The following ETS1 variants were observed in gnomAD, a reference collection of about 807,000 sequenced individuals.
ETS1 encodes ETS proto-oncogene 1, transcription factor.
In ETS1, 15 loss-of-function variants were observed where a neutral mutation model predicts 58.6. The observed-to-expected ratio is 0.26, with a 90% CI of 0.17 to 0.39. The LOEUF (loss-of-function observed/expected upper bound fraction) is 0.39. ETS1 is among the 10% of genes least tolerant of loss of function. The pLI is 1.00. For synonymous variants in ETS1, 214 were observed against 218.2 expected (o/e 0.98, Z 0.17); for missense variants, 417 against 610.5 (o/e 0.68, Z 3.34).
intron 3 of ETS1, among the ~76,000 whole-genome samples, chr11:128,499,839 GAAGGCCAGGCTGGGC>G (rs967191311): frequency 3.9e-5 from 6 of 152,110 alleles, no homozygotes. Flanking sequence ...GAATCACCAA[GAAGGCCAGGCTGGGC>G]AAGGTGTACG....
intron 3 of ETS1, among the ~76,000 whole-genome samples, chr11:128,495,921 T>C (rs1862926843): frequency 1.3e-5 from 2 of 152,112 alleles, no homozygotes; most frequent in South Asian, 2.1e-4. Context: ...CAAACATACA[T>C]AAAAGTAGAG....
chr11:128,465,659 C>G (rs1248521475), intron 8 of ETS1, among the ~76,000 whole-genome samples: 2 of 152,198 alleles, frequency 1.3e-5, no homozygotes, highest in Non-Finnish European at 2.9e-5. Context: ...GAAAACCATT[C>G]TATCCCAAAG....
At chr11:128,503,967 G>T (rs1199987229) in intron 3 of ETS1, among the ~76,000 whole-genome samples, 1 of 152,124 alleles carries the variant, frequency 6.6e-6, no homozygotes, top group African/African-American at 2.4e-5. Flanking sequence ...GCCCCAACAT[G>T]GCACATCTAA....
intron 1 of ETS1, among the ~76,000 whole-genome samples, chr11:128,582,275 A>T (rs1209270094): frequency 6.6e-6 from 1 of 152,212 alleles, no homozygotes; most frequent in African/African-American, 2.4e-5. Context: ...CAAATTTCTT[A>T]ACCTCACAAT....
chr11:128,546,182 G>C (rs1864130131), intron 3 of ETS1, among the ~76,000 whole-genome samples: 1 of 152,244 alleles, frequency 6.6e-6, no homozygotes, highest in Admixed American at 6.5e-5. Context: ...TGGGTAATCT[G>C]TCTAGACTGG....
At chr11:128,518,077 G>A (rs780460245) in intron 3 of ETS1, among the ~76,000 whole-genome samples, 1 of 152,162 alleles carries the variant, frequency 6.6e-6, no homozygotes, top group Non-Finnish European at 1.5e-5. Context: ...TTCCTGCTCT[G>A]AGGTAACAAT....
In ETS1 at chr11:128,549,597, C is replaced by A. The variant is rs532485914; in HGVS notation, c.214+6694G>T. 1.6e-4 allele frequency among the ~76,000 whole-genome samples: 25 copies of A among 152,272 alleles called. No homozygotes were observed. The highest frequency in any genetic ancestry group is 5.8e-4 in the African/African-American group (24 of 41,570). On this transcript the variant is annotated intron_variant, in intron 3 of 9. Coordinates refer to ENST00000392668, the MANE Select transcript of ETS1 (RefSeq NM_001143820.2). The surrounding 1 kb of genome is among the most constrained non-coding windows in gnomAD (Gnocchi z 4.3). ...ACTTCCTAGGATGTTCGAGAAGCTG[C>A]GAGTTCGAGGGCGGGCCGGCGGAAG...
At chr11:128,543,179 G>A (rs1864081073) in intron 3 of ETS1, among the ~76,000 whole-genome samples, 1 of 146,780 alleles carries the variant, frequency 6.8e-6, no homozygotes. Flanking sequence ...GGCAACAAGA[G>A]CGAAACTCTG....
chr11:128,584,387 G>A (rs1317748319), intron 1 of ETS1, among the ~76,000 whole-genome samples: 1 of 152,176 alleles, frequency 6.6e-6, no homozygotes, highest in Non-Finnish European at 1.5e-5. Flanking sequence ...ACATTCCATT[G>A]GCTCTAATCA....
At chr11:128,504,732 C>T (rs937210037) in intron 3 of ETS1, among the ~76,000 whole-genome samples, 3 of 152,156 alleles carry the variant, frequency 2.0e-5, no homozygotes, top group Non-Finnish European at 4.4e-5. Context: ...TTACTTACAA[C>T]AGTGGACTGG....
intron 1 of ETS1, among the ~76,000 whole-genome samples, chr11:128,573,869 A>G (rs1864688684): frequency 6.6e-6 from 1 of 152,224 alleles, no homozygotes; most frequent in Non-Finnish European, 1.5e-5. Context: ...ACACTTTCAT[A>G]AACTTAATAC....
intron 8 of ETS1, among the ~76,000 whole-genome samples, chr11:128,471,025 G>A (rs1210769088): frequency 2.0e-5 from 3 of 152,138 alleles, no homozygotes; most frequent in Non-Finnish European, 4.4e-5. Context: ...CTCTTTTCCC[G>A]ATGCACCTTT....
In ETS1 at chr11:128,568,797, C is replaced by T. The variant is rs907703087; in HGVS notation, c.69+4265G>A. On this transcript the variant is annotated intron_variant, in intron 2 of 9. Transcript: ENST00000392668. ...TAACGTTAATGTGACCTCTAATTTA[C>T]AAGCAAGGACTCCGAGACTTAGCTA... 1.1e-4 allele frequency among the ~76,000 whole-genome samples: 16 copies of T among 152,254 alleles called. 1 individual carries two copies. The highest frequency in any genetic ancestry group is 7.2e-4 in the Admixed American group (11 of 15,282).
At chr11:128,485,644 G>A (rs946235146) in intron 6 of ETS1, among the ~76,000 whole-genome samples, 6 of 152,150 alleles carry the variant, frequency 3.9e-5, no homozygotes, top group Non-Finnish European at 8.8e-5. Flanking sequence ...AGAATTTGAA[G>A]CTGCATAGCA....
chr11:128,525,446 G>A (rs1863782334), intron 3 of ETS1, among the ~76,000 whole-genome samples: 1 of 152,036 alleles, frequency 6.6e-6, no homozygotes, highest in South Asian at 2.1e-4. Context: ...AAGTGTCCTA[G>A]CATGTTATCT....
intron 1 of ETS1, among the ~76,000 whole-genome samples, chr11:128,586,298 T>G (rs1319007391): frequency 6.6e-6 from 1 of 152,174 alleles, no homozygotes; most frequent in Non-Finnish European, 1.5e-5. Context: ...TCAAAGCACT[T>G]TGCAGACATT....
rs2135407535 is a variant in ETS1 at position 128,462,454 on chromosome 11, C to T, written c.1365G>A (p.Val455=). The T allele has an allele frequency of 1.2e-6, 2 of 1,614,180 alleles. No individual in the cohort carries two copies. Among genetic ancestry groups the T allele is most frequent in the Non-Finnish European group, 1.7e-6 (2 of 1,180,024 alleles). The change falls in exon 10 of 10, where the codon GTG becomes GTA. Residue 455 remains valine, a synonymous_variant. Coordinates refer to ENST00000392668, the MANE Select transcript of ETS1 (RefSeq NM_001143820.2). The part of the protein sequence containing the change: ...IIHKTAGKRY[V]YRFVCDLQSL... ...TCTGCAGGTCACACACAAAGCGGTA[C>T]ACGTAGCGTTTCCCCGCTGTCTTGT...
chr11:128,549,834 G>A lies in ETS1; in HGVS notation c.214+6457C>T, dbSNP rs1372984570. 1.3e-5 allele frequency among the ~76,000 whole-genome samples: 2 copies of A among 152,178 alleles called. No individual in the cohort carries two copies. The highest frequency in any genetic ancestry group is 4.8e-5 in the African/African-American group (2 of 41,436). On this transcript the variant is annotated intron_variant, in intron 3 of 9. Transcript: ENST00000392668. The surrounding 1 kb of genome is among the most constrained non-coding windows in gnomAD (Gnocchi z 4.3). ...TGCAGCTCTTTCTGGCCCTCACCAG[G>A]CTGGCCTCTCCTTTGGCTGGTGAAA...
intron 1 of ETS1, among the ~76,000 whole-genome samples, chr11:128,578,846 T>A (rs1864805467): frequency 6.6e-6 from 1 of 152,226 alleles, no homozygotes; most frequent in Non-Finnish European, 1.5e-5. Context: ...TTCTATTGTA[T>A]GTATATATCA....
Sources: allele counts gnomAD v4.1 joint callset (sites outside exome capture counted in the v4.1 genomes callset), GRCh38; gene constraint gnomAD v4.1.1; non-coding constraint Gnocchi (gnomAD v3.1); transcripts MANE v1.5; gene names NCBI Gene and HGNC (gene_info 2026-07-23, HGNC 2026-07-21).